IL1RAPL1: variants seen among roughly 807,000 people sequenced by gnomAD.
IL1RAPL1 encodes interleukin-1 receptor accessory protein-like 1.
IL1RAPL1 carries 3 observed loss-of-function variants against 48.4 expected under a neutral mutation model. The observed-to-expected ratio is 0.06, with a 90% CI of 0.03 to 0.16. IL1RAPL1 has a LOEUF of 0.16. Among genes scored for constraint, IL1RAPL1 ranks in the 10% least tolerant of loss-of-function variants. The probability of loss-of-function intolerance (pLI) is 1.00; values close to 1 mark genes in which losing one functional copy is unlikely to be tolerated. For synonymous variants in IL1RAPL1, 185 were observed against 187.7 expected (o/e 0.99, Z 0.12); for missense variants, 349 against 530.6 (o/e 0.66, Z 3.36).
chrX:29,841,183 A>G (rs1931128701), intron 6 of IL1RAPL1, among the ~76,000 whole-genome samples: 1 of 112,085 alleles, frequency 8.9e-6, no homozygotes, highest in Non-Finnish European at 1.9e-5. Flanking sequence ...ACAGATAACA[A>G]TGCTTTACAG....
At chrX:29,323,567 C>T (rs1189996350) in intron 3 of IL1RAPL1, among the ~76,000 whole-genome samples, 3 of 101,428 alleles carry the variant, frequency 3.0e-5, no homozygotes, top group Non-Finnish European at 6.0e-5. Context: ...ACCATGCTTC[C>T]GTCCCAGTTC....
intron 6 of IL1RAPL1, among the ~76,000 whole-genome samples, chrX:29,837,243 A>G (rs183206657): frequency 1.1e-5 from 1 of 88,109 alleles, no homozygotes; most frequent in Non-Finnish European, 2.2e-5. Flanking sequence ...AGCCTCAGCG[A>G]TAGAGACTGC....
intron 2 of IL1RAPL1, among the ~76,000 whole-genome samples, chrX:29,236,776 A>G (rs1206944909): frequency 9.9e-5 from 10 of 100,558 alleles, no homozygotes; most frequent in Admixed American, 6.7e-4. Context: ...TCACCGTGTT[A>G]GCCAGGATGG....
At chrX:29,862,171 A>T (rs1216363468) in intron 6 of IL1RAPL1, among the ~76,000 whole-genome samples, 1 of 111,583 alleles carries the variant, frequency 9.0e-6, no homozygotes, top group Non-Finnish European at 1.9e-5. Flanking sequence ...AAAAAAAAAA[A>T]AAAATAAGAA....
At chrX:28,930,817 A>G (rs956311155) in intron 2 of IL1RAPL1, among the ~76,000 whole-genome samples, 1 of 110,058 alleles carries the variant, frequency 9.1e-6, no homozygotes, top group Non-Finnish European at 1.9e-5. Context: ...AATTTTTTGT[A>G]TTTTTGGTAG....
At chrX:29,047,935 T>A (rs1358353315) in intron 2 of IL1RAPL1, among the ~76,000 whole-genome samples, 1 of 111,011 alleles carries the variant, frequency 9.0e-6, no homozygotes, top group Non-Finnish European at 1.9e-5. Flanking sequence ...GTTTTAATTC[T>A]TTTGACGTAT....
intron 2 of IL1RAPL1, among the ~76,000 whole-genome samples, chrX:29,100,955 T>C (rs975252801): frequency 1.1e-4 from 12 of 111,965 alleles, no homozygotes; most frequent in South Asian, 3.7e-4. Flanking sequence ...TATATGTGAA[T>C]GTTGGTATAC....
chrX:29,562,127 T>G (rs887706473), intron 5 of IL1RAPL1, among the ~76,000 whole-genome samples: 10 of 82,183 alleles, frequency 1.2e-4, no homozygotes, highest in Non-Finnish European at 1.6e-4. Context: ...TCTATCTATC[T>G]ATCTATCTAT....
At chrX:29,325,492 A>G (rs1048983944) in intron 3 of IL1RAPL1, among the ~76,000 whole-genome samples, 2 of 112,039 alleles carry the variant, frequency 1.8e-5, no homozygotes, top group Non-Finnish European at 3.8e-5. Flanking sequence ...TATTCTTTCT[A>G]CTTACTTGAC....
At chrX:28,909,500 T>C in intron 2 of IL1RAPL1, among the ~76,000 whole-genome samples, 1 of 111,551 alleles carries the variant, frequency 9.0e-6, no homozygotes, top group East Asian at 2.8e-4. Context: ...AACCTCCTTA[T>C]TTCCTTTTTA....
intron 5 of IL1RAPL1, among the ~76,000 whole-genome samples, chrX:29,621,314 C>G (rs1351372215): frequency 9.0e-6 from 1 of 110,959 alleles, no homozygotes; most frequent in African/African-American, 3.3e-5. Flanking sequence ...ACAAAACATA[C>G]ATGAACATGT....
rs1015683708 is a variant in IL1RAPL1, at chrX:29,128,759, A to G, written c.83-154179A>G. 3.6e-5 allele frequency among the ~76,000 whole-genome samples: 4 copies of G among 111,367 alleles called. No homozygotes were observed. The Admixed American group carries it at 3.8e-4, about 11-fold the overall frequency. On this transcript the variant is annotated intron_variant, in intron 2 of 10. Transcript: ENST00000378993. ...TAATTAAGATACAGTTCCTTAATGA[A>G]TGGATGGATGGATGGATGGATAGAA...
chrX:29,325,151 T>G (rs185921042), intron 3 of IL1RAPL1, among the ~76,000 whole-genome samples: 1 of 112,238 alleles, frequency 8.9e-6, no homozygotes, highest in African/African-American at 3.2e-5. Flanking sequence ...TATTGACAAT[T>G]AAAAAGAATG....
intron 5 of IL1RAPL1, among the ~76,000 whole-genome samples, chrX:29,532,525 C>T (rs904705461): frequency 3.6e-5 from 4 of 111,189 alleles, no homozygotes; most frequent in Non-Finnish European, 5.7e-5. Flanking sequence ...ATCTTCAGAC[C>T]CTTGGTGTCT....
chrX:29,885,755 G>T (rs772599203), intron 6 of IL1RAPL1, among the ~76,000 whole-genome samples: 1 of 111,690 alleles, frequency 9.0e-6, no homozygotes, highest in African/African-American at 3.3e-5. Context: ...GGTGTTCGAG[G>T]ATGCAGGGAA....
At chrX:29,642,686 A>C (rs1925203904) in intron 5 of IL1RAPL1, among the ~76,000 whole-genome samples, 1 of 112,514 alleles carries the variant, frequency 8.9e-6, no homozygotes, top group African/African-American at 3.2e-5. Context: ...GATTCCTGTA[A>C]GCTCTCAGGG....
chrX:29,896,493 A>G (rs1000369426), intron 6 of IL1RAPL1, among the ~76,000 whole-genome samples: 1 of 112,361 alleles, frequency 8.9e-6, no homozygotes, highest in Non-Finnish European at 1.9e-5. Flanking sequence ...ACACATACAT[A>G]TAGATAGATA....
rs755617820 is a variant in IL1RAPL1, at chrX:29,899,514, CAT to C, written c.779-17948_779-17947del. Among the ~76,000 whole-genome samples the C allele has an allele frequency of 4.6e-5, 5 of 109,211 alleles. No homozygotes were observed. The East Asian group carries it at 1.4e-3, about 31-fold the overall frequency. 94.8% of individuals were successfully genotyped at this position (109,211 alleles called of 115,157 possible). ...GAACTCTGAGAGACGTAGCTTTGGT[CAT>C]AGACTAGAAATGAGAATAACAGTGA... On this transcript the variant is annotated intron_variant, in intron 6 of 10. Coordinates refer to ENST00000378993, the MANE Select transcript of IL1RAPL1 (RefSeq NM_014271.4).
chrX:28,757,948 G>C (rs928421274), intron 1 of IL1RAPL1, among the ~76,000 whole-genome samples: 1 of 111,983 alleles, frequency 8.9e-6, no homozygotes, highest in Admixed American at 9.5e-5. Context: ...AAATTCAGTT[G>C]GACGATAAGG....
Sources: allele counts gnomAD v4.1 joint callset (sites outside exome capture counted in the v4.1 genomes callset), GRCh38; gene constraint gnomAD v4.1.1; transcripts MANE v1.5; gene names NCBI Gene and HGNC (gene_info 2026-07-23, HGNC 2026-07-21).